FAM168A: variants seen among roughly 807,000 people sequenced by gnomAD.
FAM168A encodes protein FAM168A.
In FAM168A, 3 loss-of-function variants were observed where a neutral mutation model predicts 28.5. That is an observed-to-expected ratio of 0.11 (90% confidence interval 0.05 to 0.27). The LOEUF is 0.27. FAM168A is among the 10% of genes least tolerant of loss of function. The probability of loss-of-function intolerance (pLI) is 1.00; values close to 1 mark genes in which losing one functional copy is unlikely to be tolerated. For synonymous variants in FAM168A, 122 were observed against 124.2 expected (o/e 0.98, Z 0.12); for missense variants, 222 against 311.5 (o/e 0.71, Z 2.16).
rs147853729 is a variant in FAM168A, at chr11:73,417,557, C to T, written c.277+2317G>A. Among the ~76,000 whole-genome samples, 873 of 144,790 alleles carry T rather than the reference C, an allele frequency of 6.0e-3. 6 individuals carry two copies. Among genetic ancestry groups the T allele is most frequent in the African/African-American group, 0.022 (803 of 37,252 alleles). The allele number at this position is 144,790 out of a possible 152,430, so 95.0% of individuals were successfully genotyped here. A position where few individuals can be genotyped will look rare whatever the true frequency, so the allele number is the denominator to read the frequency against. The stretch of plus-strand genomic sequence containing the variant: ...CTCCTTATGGCTGACATACCTCTCT[C>T]TCTTTTTTTTTTTTTTTTTTGAGAC... On this transcript the variant is annotated intron_variant, in intron 4 of 7. Coordinates refer to ENST00000356467, the MANE Select transcript of FAM168A (RefSeq NM_015159.3).
At chr11:73,517,728 C>A (rs1943324000) in intron 1 of FAM168A, among the ~76,000 whole-genome samples, 1 of 152,112 alleles carries the variant, frequency 6.6e-6, no homozygotes, top group Admixed American at 6.6e-5. Context: ...TCAGGAATAC[C>A]AATTACTTTT....
intron 1 of FAM168A, among the ~76,000 whole-genome samples, chr11:73,473,589 T>C (rs1269385257): frequency 6.6e-6 from 1 of 152,170 alleles, no homozygotes; most frequent in African/African-American, 2.4e-5. Flanking sequence ...CACAATGACT[T>C]CCTTGTTGTT....
At chr11:73,474,591 A>G (rs1287916000) in intron 1 of FAM168A, among the ~76,000 whole-genome samples, 1 of 152,222 alleles carries the variant, frequency 6.6e-6, no homozygotes, top group African/African-American at 2.4e-5. Context: ...TACATGGGCA[A>G]TTAATTTTCA....
chr11:73,501,740 A>G (rs1169969247), intron 1 of FAM168A, among the ~76,000 whole-genome samples: 1 of 152,204 alleles, frequency 6.6e-6, no homozygotes, highest in Non-Finnish European at 1.5e-5. Flanking sequence ...GAAAGCTAGA[A>G]AGATCTCAAA....
intron 1 of FAM168A, among the ~76,000 whole-genome samples, chr11:73,573,233 T>C (rs772272148): frequency 1.2e-4 from 19 of 152,236 alleles, no homozygotes; most frequent in Non-Finnish European, 2.4e-4. Flanking sequence ...TTTTAACTTC[T>C]GTACATACTC....
chr11:73,427,525 A>G (rs1866909384), intron 3 of FAM168A, among the ~76,000 whole-genome samples: 2 of 152,112 alleles, frequency 1.3e-5, no homozygotes, highest in Admixed American at 6.5e-5. Context: ...GTAGCAGTTA[A>G]GAGCTCATGC....
intron 2 of FAM168A, among the ~76,000 whole-genome samples, chr11:73,446,162 T>TCTTA (rs2134539440): frequency 6.6e-6 from 1 of 152,360 alleles, no homozygotes; most frequent in South Asian, 2.1e-4. Flanking sequence ...TCAGGCCTCA[T>TCTTA]CTTAACAGCT....
intron 2 of FAM168A, among the ~76,000 whole-genome samples, chr11:73,455,428 A>T (rs1867513470): frequency 6.6e-6 from 1 of 152,212 alleles, no homozygotes; most frequent in Admixed American, 6.5e-5. Context: ...ATTCGCTCTG[A>T]CAGTGTTGTG....
intron 1 of FAM168A, among the ~76,000 whole-genome samples, chr11:73,578,608 T>C (rs1321164081): frequency 6.6e-6 from 1 of 152,202 alleles, no homozygotes; most frequent in Non-Finnish European, 1.5e-5. Context: ...CCCTAACCAA[T>C]TTAGTTTCAA....
chr11:73,517,273 C>T (rs1030243511), intron 1 of FAM168A, among the ~76,000 whole-genome samples: 1 of 152,032 alleles, frequency 6.6e-6, no homozygotes, highest in African/African-American at 2.4e-5. Flanking sequence ...TTAAATGATC[C>T]TCTCACCTCG....
At chr11:73,438,268 TATA>T (rs1433686810) in intron 2 of FAM168A, among the ~76,000 whole-genome samples, 5 of 152,194 alleles carry the variant, frequency 3.3e-5, no homozygotes, top group African/African-American at 1.2e-4. Context: ...ATATGTAAGA[TATA>T]ATCAGAGAAT....
chr11:73,524,012 A>T (rs1010786867), intron 1 of FAM168A, among the ~76,000 whole-genome samples: 6 of 152,042 alleles, frequency 3.9e-5, no homozygotes, highest in African/African-American at 1.4e-4. Flanking sequence ...GGTAGGAGCC[A>T]CTGCCCCCGG....
intron 1 of FAM168A, among the ~76,000 whole-genome samples, chr11:73,487,210 TCTTTTTCCA>T (rs1868065046): frequency 6.6e-6 from 1 of 152,182 alleles, no homozygotes. Flanking sequence ...CATCTCCTGA[TCTTTTTCCA>T]CTGTATTCTC....
At chr11:73,527,361 C>T (rs116404397) in intron 1 of FAM168A, among the ~76,000 whole-genome samples, 1,543 of 152,248 alleles carry the variant, frequency 0.01, 28 homozygotes, top group African/African-American at 0.036. Context: ...AGCCCTGACC[C>T]ATCCCACAGG....
intron 4 of FAM168A, among the ~76,000 whole-genome samples, chr11:73,415,427 T>A (rs1209873060): frequency 6.6e-6 from 1 of 152,202 alleles, no homozygotes; most frequent in Non-Finnish European, 1.5e-5. Flanking sequence ...GTCAGGAGGA[T>A]CTTCATGAGG....
intron 1 of FAM168A, among the ~76,000 whole-genome samples, chr11:73,588,055 T>C (rs1336824185): frequency 1.3e-5 from 2 of 152,086 alleles, no homozygotes; most frequent in Non-Finnish European, 2.9e-5. Context: ...GAGCCTCACA[T>C]AAAGCATTTC....
At chr11:73,593,314 G>A (rs530180472) in intron 1 of FAM168A, among the ~76,000 whole-genome samples, 1 of 152,090 alleles carries the variant, frequency 6.6e-6, no homozygotes, top group Non-Finnish European at 1.5e-5. Context: ...TAAGTTGTGG[G>A]TTTATGTTAA....
chr11:73,469,315 C>A (rs1417528484), intron 1 of FAM168A, among the ~76,000 whole-genome samples: 2 of 152,204 alleles, frequency 1.3e-5, no homozygotes, highest in Admixed American at 6.5e-5. Flanking sequence ...TATAGCCTGA[C>A]ACATTTGAAA....
chr11:73,532,916 T>C (rs567048031), intron 1 of FAM168A, among the ~76,000 whole-genome samples: 4 of 152,316 alleles, frequency 2.6e-5, no homozygotes, highest in African/African-American at 7.2e-5. Flanking sequence ...AATTTTCAGC[T>C]GGGAAAGAGG....
Sources: allele counts gnomAD v4.1 joint callset (sites outside exome capture counted in the v4.1 genomes callset), GRCh38; gene constraint gnomAD v4.1.1; transcripts MANE v1.5; gene names NCBI Gene and HGNC (gene_info 2026-07-23, HGNC 2026-07-21).